The following ZP3 variants were observed in gnomAD, a reference collection of about 807,000 sequenced individuals.
The protein encoded by ZP3 is zona pellucida sperm-binding protein 3.
A neutral mutation model predicts 35.6 loss-of-function variants in ZP3; 21 were observed. The ratio of observed to expected loss-of-function variants is 0.59; its 90% CI spans 0.42 to 0.85. The LOEUF (loss-of-function observed/expected upper bound fraction) is 0.85, where lower values mean the gene tolerates loss of function less well. Among genes scored for constraint, ZP3 ranks in the 40% least tolerant of loss-of-function variants. ZP3 has a pLI of 0.00. For missense variants in ZP3, 437 were observed against 536.5 expected (o/e 0.81, Z 1.83); for synonymous variants, 207 against 214.5 (o/e 0.96, Z 0.31).
At chr7:76,425,742 A>G (rs891382509) in intron 1 of ZP3, among the ~76,000 whole-genome samples, 1 of 152,086 alleles carries the variant, frequency 6.6e-6, no homozygotes, top group Non-Finnish European at 1.5e-5. Flanking sequence ...AGACTGGAGG[A>G]TCACTTGAGG....
intron 1 of ZP3, among the ~76,000 whole-genome samples, chr7:76,416,601 G>A (rs1805375126): frequency 6.6e-6 from 1 of 151,918 alleles, no homozygotes; most frequent in Non-Finnish European, 1.5e-5. Context: ...GAGCTCAGGA[G>A]TTTGAGACCA....
At chr7:76,416,346 TTGAGCCC>T (rs1372683270) in intron 1 of ZP3, among the ~76,000 whole-genome samples, 1 of 152,076 alleles carries the variant, frequency 6.6e-6, no homozygotes, top group Non-Finnish European at 1.5e-5. Flanking sequence ...GGGGCATTGC[TTGAGCCC>T]TGGAAGTCGA....
At chr7:76,399,970 C>G (rs1563683929) in intron 1 of ZP3, among the ~76,000 whole-genome samples, 5 of 152,116 alleles carry the variant, frequency 3.3e-5, no homozygotes, top group Non-Finnish European at 5.9e-5. Flanking sequence ...TGGTCGGGAC[C>G]AAACAGTGAG....
chr7:76,420,319 C>T (rs1184541470), upstream of ZP3, among the ~76,000 whole-genome samples: 1 of 152,158 alleles, frequency 6.6e-6, no homozygotes, highest in Non-Finnish European at 1.5e-5. Flanking sequence ...ACCACACTCA[C>T]ACCAGATGTT....
At position 76,416,968 on chromosome 7, in the gene ZP3, ATATAT is replaced by A. The variant is rs1563692986; in HGVS notation, c.-66-8083_-66-8079del. 2.9e-3 allele frequency among the ~76,000 whole-genome samples: 365 copies of A among 126,308 alleles called. 8 individuals are homozygous for A. The highest frequency in any genetic ancestry group is 2.9e-3 in the East Asian group (12 of 4,082). The allele number at this position is 126,308 out of a possible 152,430, so 82.9% of individuals were successfully genotyped here. On this transcript the variant is annotated intron_variant, in intron 1 of 8. Transcript: ENST00000336517. ...TACATATATATATATATATATATAT[ATATAT>A]AATTTGGCATTTAATGATGAGGTAG...
intron 1 of ZP3, among the ~76,000 whole-genome samples, chr7:76,416,794 GTCTCTC>G (rs35844856): frequency 4.5e-4 from 61 of 136,024 alleles, no homozygotes; most frequent in Non-Finnish European, 7.1e-4. Flanking sequence ...GCAGGATGCT[GTCTCTC>G]TCTCTCTCTC....
intron 1 of ZP3, among the ~76,000 whole-genome samples, chr7:76,413,772 T>C (rs1805305258): frequency 6.6e-6 from 1 of 151,686 alleles, no homozygotes; most frequent in Non-Finnish European, 1.5e-5. Context: ...GTTGAAGTAA[T>C]CCTCCCACCT....
Position 76,400,572 on chromosome 7 carries a change from G to T in ZP3, c.-67+2775G>T, listed in dbSNP as rs1043740591. ...CCAGGCGGCCCCGGCAGCGGCTGGGGCCCCCCACCAGCCTCAGCTCTGTGA... is the reference window on the plus strand; with the variant it reads ...CCAGGCGGCCCCGGCAGCGGCTGGGTCCCCCCACCAGCCTCAGCTCTGTGA... On this transcript the variant is annotated intron_variant, in intron 1 of 8. Coordinates refer to the ZP3 transcript ENST00000336517. 1.9e-5 allele frequency: 28 copies of T among 1,484,130 alleles called. No homozygotes were observed. In the African/African-American group the frequency reaches 3.4e-4, roughly 18 times the overall value. The allele number at this position is 1,484,130 out of a possible 1,614,324, so 91.9% of individuals were successfully genotyped here.
At chr7:76,426,907 C>CACACACA (rs57796274) in intron 1 of ZP3, among the ~76,000 whole-genome samples, 1 of 126,868 alleles carries the variant, frequency 7.9e-6, no homozygotes, top group Non-Finnish European at 1.6e-5. Flanking sequence ...CACACACACA[C>CACACACA]AATAGGGTGT....
intron 4 of ZP3, 44 bp downstream of exon 4, chr7:76,433,691 G>A (rs1264558272): frequency 3.9e-6 from 6 of 1,554,532 alleles, no homozygotes; most frequent in Non-Finnish European, 5.2e-6. Context: ...CTAGCAAAAT[G>A]ACCCTAAAGC....
chr7:76,423,084 A>T (rs954329209), upstream of ZP3, among the ~76,000 whole-genome samples: 20 of 137,234 alleles, frequency 1.5e-4, 1 homozygote, highest in East Asian at 1.5e-3. Flanking sequence ...AGAAAGAAAG[A>T]AAAGAAATTG....
chr7:76,427,163 G>A (rs1166333642), intron 1 of ZP3, among the ~76,000 whole-genome samples: 1 of 152,118 alleles, frequency 6.6e-6, no homozygotes, highest in Non-Finnish European at 1.5e-5. Flanking sequence ...CTCCAATGAG[G>A]AGCAAAGCCT....
intron 1 of ZP3, among the ~76,000 whole-genome samples, chr7:76,415,364 C>CAAAAAAAAAAAAAAAAAAAAAAAAAAAAT (rs528001072): frequency 1.6e-5 from 1 of 63,532 alleles, no homozygotes; most frequent in African/African-American, 8.1e-5. Context: ...GACTCCGTCT[C>CAAAAAAAAAAAAAAAAAAAAAAAAAAAAT]AAAAAAAAAA....
chr7:76,433,143 G>T (rs1190741492), intron 3 of ZP3, 113 bp downstream of exon 3: 6 of 699,822 alleles, frequency 8.6e-6, no homozygotes, highest in Non-Finnish European at 1.4e-5. Flanking sequence ...GGTTGGTTTT[G>T]GTTGGTTTTG....
At chr7:76,410,954 C>T (rs1287181700) in intron 1 of ZP3, among the ~76,000 whole-genome samples, 1 of 146,726 alleles carries the variant, frequency 6.8e-6, no homozygotes, top group African/African-American at 2.5e-5. Flanking sequence ...GAGATCGCAC[C>T]ACTGCACTCC....
At position 76,410,700 on chromosome 7, in the gene ZP3, A is replaced by G. The variant is rs183501828; in HGVS notation, c.-67+12903A>G. On this transcript the variant is annotated intron_variant, in intron 1 of 8. Transcript: ENST00000336517. ...GCTGTTTCCTATTTCTTGGAAAAAG[A>G]AAGTACTAGATGTACCAGGCGAGGT... 1.6e-4 allele frequency among the ~76,000 whole-genome samples: 24 copies of G among 152,156 alleles called. 2 individuals carry two copies. The East Asian group carries it at 4.6e-3, about 29-fold the overall frequency.
chr7:76,440,052 G>C, intron 5 of ZP3, 198 bp from the exon 6 acceptor site: 1 of 721,974 alleles, frequency 1.4e-6, no homozygotes, highest in Non-Finnish European at 2.3e-6. Flanking sequence ...TCACCATGTT[G>C]GCCAGGTTGG....
rs765236016 is a variant in ZP3 at position 76,416,964 on chromosome 7, AT to A, written c.-66-8087del. Among the ~76,000 whole-genome samples, 431 of 144,624 alleles carry A rather than the reference AT, an allele frequency of 3.0e-3. 8 individuals carry two copies. Among genetic ancestry groups the A allele is most frequent in the East Asian group, 8.1e-3 (40 of 4,936 alleles). The allele number at this position is 144,624 out of a possible 152,430, so 94.9% of individuals were successfully genotyped here. On this transcript the variant is annotated intron_variant, in intron 1 of 8. Transcript: ENST00000336517. The stretch of plus-strand genomic sequence containing the variant: ...TACATACATATATATATATATATAT[AT>A]ATATATATAATTTGGCATTTAATGA...
At chr7:76,429,439 C>G in intron 1 of ZP3, 76 bp from the exon 2 acceptor site, 1 of 1,431,144 alleles carries the variant, frequency 7.0e-7, no homozygotes, top group Admixed American at 1.7e-5. Flanking sequence ...GCTGCCCTCC[C>G]TGAGCACTCA....
Sources: gnomAD v4.1 joint callset for allele counts (sites outside exome capture counted in the v4.1 genomes callset) on GRCh38, gnomAD v4.1.1 for gene constraint, MANE v1.5 for transcripts, NCBI Gene and HGNC (gene_info 2026-07-23, HGNC 2026-07-21) for gene names.